RHBDL3: variants seen among roughly 807,000 people sequenced by gnomAD.
RHBDL3 encodes the protein rhomboid-related protein 3.
A neutral mutation model predicts 48.2 loss-of-function variants in RHBDL3; 28 were observed. The ratio of observed to expected loss-of-function variants is 0.58; its 90% CI spans 0.43 to 0.80. The LOEUF (loss-of-function observed/expected upper bound fraction) is 0.80, where lower values mean the gene tolerates loss of function less well. Among genes scored for constraint, RHBDL3 ranks in the 30% least tolerant of loss-of-function variants. The pLI is 0.00. For missense variants in RHBDL3, 464 were observed against 542.7 expected (o/e 0.85, Z 1.44); for synonymous variants, 208 against 232.3 (o/e 0.90, Z 0.95).
At chr17:32,309,251 G>A (rs2040783498) in intron 7 of RHBDL3, among the ~76,000 whole-genome samples, 1 of 150,928 alleles carries the variant, frequency 6.6e-6, no homozygotes, top group Non-Finnish European at 1.5e-5. Context: ...AGAACTAAAA[G>A]TAGAAAAAGC....
chr17:32,292,674 C>T (rs2150721586), intron 4 of RHBDL3, among the ~76,000 whole-genome samples: 1 of 151,920 alleles, frequency 6.6e-6, no homozygotes, highest in Admixed American at 6.6e-5. Flanking sequence ...CATGGTGGCA[C>T]ACGTCTAATC....
At chr17:32,283,033 A>G (rs1201949202) in intron 2 of RHBDL3, among the ~76,000 whole-genome samples, 2 of 152,168 alleles carry the variant, frequency 1.3e-5, no homozygotes, top group East Asian at 3.9e-4. Flanking sequence ...TTCATTGACC[A>G]TCTAGAAAAG....
intron 2 of RHBDL3, among the ~76,000 whole-genome samples, chr17:32,272,354 C>A (rs1336725525): frequency 2.0e-5 from 3 of 152,140 alleles, no homozygotes; most frequent in South Asian, 2.1e-4. Context: ...CATTTGTAGT[C>A]CCCCCTGCAA....
chr17:32,288,918 T>C lies in RHBDL3; in HGVS notation c.421T>C (p.Tyr141His). Residue 141 changes from tyrosine to histidine, a missense_variant, in exon 4 of 9, where the codon TAT (tyrosine) becomes CAT (histidine). Transcript: ENST00000269051. Reference sequence around the variant, plus strand: ...GCAGCGACTTATCCGCCATGTGGCCTATGAGACCCTGCCCCGGGAAATTGA... The same window carrying C: ...GCAGCGACTTATCCGCCATGTGGCCCATGAGACCCTGCCCCGGGAAATTGA... ...LSQRLIRHVA[Y>H]ETLPREIDRK... 6.2e-7 allele frequency: 1 copy of C among 1,614,224 alleles called. No homozygotes were observed. The highest frequency in any genetic ancestry group is 8.5e-7 in the Non-Finnish European group (1 of 1,180,046).
At chr17:32,319,123 T>TAA (rs34447899) in intron 8 of RHBDL3, among the ~76,000 whole-genome samples, 5 of 143,288 alleles carry the variant, frequency 3.5e-5, no homozygotes, top group African/African-American at 5.1e-5. Context: ...TCTTGTTGTT[T>TAA]AAAAAAAAAA....
At chr17:32,313,773 T>C (rs2040902853) in intron 7 of RHBDL3, among the ~76,000 whole-genome samples, 2 of 134,292 alleles carry the variant, frequency 1.5e-5, no homozygotes, top group Admixed American at 1.5e-4. Context: ...TTTTTTTTTT[T>C]TTGAGACGAG....
At chr17:32,293,857 G>T (rs1322310312) in intron 4 of RHBDL3, among the ~76,000 whole-genome samples, 1 of 152,146 alleles carries the variant, frequency 6.6e-6, no homozygotes, top group Non-Finnish European at 1.5e-5. Flanking sequence ...GACAGGCACA[G>T]TGGCTCACGC....
chr17:32,288,347 C>T (rs2040245801), intron 3 of RHBDL3: 1 of 177,574 alleles, frequency 5.6e-6, no homozygotes, highest in East Asian at 1.4e-4. Context: ...TCTTGAGCAC[C>T]ACCGTATCCC....
At chr17:32,310,163 C>G (rs2040809920) in intron 7 of RHBDL3, among the ~76,000 whole-genome samples, 1 of 152,222 alleles carries the variant, frequency 6.6e-6, no homozygotes, top group African/African-American at 2.4e-5. Context: ...TTTACTTACA[C>G]TTCGCTCTGT....
intron 4 of RHBDL3, 72 bp from the exon 5 acceptor site, chr17:32,294,222 G>T: frequency 7.5e-7 from 1 of 1,336,676 alleles, no homozygotes; most frequent in Non-Finnish European, 1.0e-6. Context: ...GGGACTCCCA[G>T]TGCTAGTCAG....
chr17:32,275,437 G>A (rs2039875077), intron 2 of RHBDL3, among the ~76,000 whole-genome samples: 2 of 152,244 alleles, frequency 1.3e-5, no homozygotes, highest in Admixed American at 1.3e-4. Context: ...GGAAGGAGGA[G>A]AAGGGGCTGC....
At chr17:32,285,175 G>T (rs1321634203) in intron 3 of RHBDL3, among the ~76,000 whole-genome samples, 1 of 152,126 alleles carries the variant, frequency 6.6e-6, no homozygotes, top group Non-Finnish European at 1.5e-5. Context: ...AGAGAGAAGA[G>T]GAGGGGAGGG....
At chr17:32,311,913 A>G (rs72811089) in intron 7 of RHBDL3, among the ~76,000 whole-genome samples, 213 of 152,324 alleles carry the variant, frequency 1.4e-3, no homozygotes, top group Non-Finnish European at 2.4e-3. Context: ...TGTTATCTCA[A>G]ATTCACAAAT....
At chr17:32,274,846 ATG>A (rs1274763551) in intron 2 of RHBDL3, among the ~76,000 whole-genome samples, 3 of 151,908 alleles carry the variant, frequency 2.0e-5, no homozygotes, top group Admixed American at 6.6e-5. Flanking sequence ...GTATGCATGC[ATG>A]TGTGTTTGTG....
chr17:32,283,372 A>C lies in RHBDL3; in HGVS notation c.136-1287A>C, dbSNP rs563290993. 2.9e-3 allele frequency among the ~76,000 whole-genome samples: 354 copies of C among 123,466 alleles called. 3 individuals carry two copies. The highest frequency in any genetic ancestry group is 2.7e-3 in the Non-Finnish European group (175 of 63,888). The allele number at this position is 123,466 out of a possible 152,430, so 81.0% of individuals were successfully genotyped here. Reference sequence around the variant, plus strand: ...AGTCTCGCTGTGTTGCCCAGGCTGGAGTGCAGTGGCGTGATCTCAGCTCAC... The same window carrying C: ...AGTCTCGCTGTGTTGCCCAGGCTGGCGTGCAGTGGCGTGATCTCAGCTCAC... On this transcript the variant is annotated intron_variant, in intron 2 of 8. Transcript: ENST00000269051.
At chr17:32,267,664 GCCCCCA>G in intron 1 of RHBDL3, 1 of 90,514 alleles carries the variant, frequency 1.1e-5, no homozygotes, top group Non-Finnish European at 2.1e-5. Context: ...TGCCGCCCCC[GCCCCCA>G]CCCCATCCCT....
intron 1 of RHBDL3, 93 bp from the exon 2 acceptor site, chr17:32,267,809 A>G: frequency 2.5e-6 from 4 of 1,603,656 alleles, no homozygotes; most frequent in Non-Finnish European, 3.4e-6. Flanking sequence ...AGGCTATGTC[A>G]GAAACATCCG....
In RHBDL3 at chr17:32,281,807, C is replaced by A. The variant is rs142138572; in HGVS notation, c.136-2852C>A. Among the ~76,000 whole-genome samples, 555 of 152,308 alleles carry A rather than the reference C, an allele frequency of 3.6e-3. 2 individuals are homozygous for A. The highest frequency in any genetic ancestry group is 0.014 in the Middle Eastern group (4 of 294). On this transcript the variant is annotated intron_variant, in intron 2 of 8. Coordinates refer to ENST00000269051, the MANE Select transcript of RHBDL3 (RefSeq NM_138328.3). ...TGGTAGGGCTGTGAGACTCATGGAGCCCCTTCCTCTCCTGGGCCCACACTC... is the reference window on the plus strand; with the variant it reads ...TGGTAGGGCTGTGAGACTCATGGAGACCCTTCCTCTCCTGGGCCCACACTC...
rs560242320 is a variant in RHBDL3 at position 32,315,586 on chromosome 17, T to C, written c.883-646T>C. Among the ~76,000 whole-genome samples, 19 of 152,110 alleles carry C rather than the reference T, an allele frequency of 1.2e-4. No homozygotes were observed. In the South Asian group the frequency reaches 2.7e-3, roughly 22 times the overall value. On this transcript the variant is annotated intron_variant, in intron 7 of 8. Transcript: ENST00000269051. Reference sequence around the variant, plus strand: ...CCGAGTGATGTGAAACCCCCGATGGTTGGGAAACTCACGAAGCCTGCAAGA... The same window carrying C: ...CCGAGTGATGTGAAACCCCCGATGGCTGGGAAACTCACGAAGCCTGCAAGA...
Sources: gnomAD v4.1 joint callset for allele counts (sites outside exome capture counted in the v4.1 genomes callset) on GRCh38, gnomAD v4.1.1 for gene constraint, MANE v1.5 for transcripts, NCBI Gene and HGNC (gene_info 2026-07-23, HGNC 2026-07-21) for gene names.